SERGEF: variants seen among roughly 807,000 people sequenced by gnomAD.
SERGEF encodes secretion-regulating guanine nucleotide exchange factor.
SERGEF carries 51 observed loss-of-function variants against 50.0 expected under a neutral mutation model. That is an observed-to-expected ratio of 1.02 (90% CI 0.81 to 1.29). The LOEUF (loss-of-function observed/expected upper bound fraction) is 1.29. Among genes scored for constraint, SERGEF ranks in the 50% most tolerant of loss-of-function variants. The pLI is 0.00. For missense variants in SERGEF, 521 were observed against 557.0 expected, an observed-to-expected ratio of 0.94 and a Z score of 0.65; for synonymous variants, 205 against 212.4, an observed-to-expected ratio of 0.97 and a Z score of 0.30.
intron 9 of SERGEF, among the ~76,000 whole-genome samples, chr11:17,916,648 T>A (rs1015538475): frequency 2.6e-5 from 4 of 152,192 alleles, no homozygotes; most frequent in African/African-American, 9.7e-5. Flanking sequence ...ATAAAGGTGT[T>A]AGCACAATAC....
At chr11:17,959,295 T>C (rs1852942211) in intron 9 of SERGEF, among the ~76,000 whole-genome samples, 175 bp downstream of exon 9, 1 of 152,220 alleles carries the variant, frequency 6.6e-6, no homozygotes, top group African/African-American at 2.4e-5. Context: ...AGTACAGTTA[T>C]CTGGGTGACT....
chr11:17,907,570 A>G (rs937820905), intron 9 of SERGEF, among the ~76,000 whole-genome samples: 2 of 152,330 alleles, frequency 1.3e-5, no homozygotes, highest in Middle Eastern at 6.8e-3. Flanking sequence ...CTTTTGAGAT[A>G]GCTCCGCAAA....
chr11:17,972,422 G>C (rs1425748387), intron 8 of SERGEF, among the ~76,000 whole-genome samples: 6 of 152,082 alleles, frequency 3.9e-5, no homozygotes, highest in Non-Finnish European at 5.9e-5. Flanking sequence ...TCAACATCAA[G>C]GCAAGACCTT....
At chr11:17,818,599 G>A (rs1402474016) in intron 10 of SERGEF, among the ~76,000 whole-genome samples, 1 of 152,148 alleles carries the variant, frequency 6.6e-6, no homozygotes, top group East Asian at 1.9e-4. Context: ...GAGACTTTGT[G>A]CTTTAGTGCT....
At chr11:18,012,774 T>TACCCCC in intron 1 of SERGEF, 177 bp downstream of exon 1, 10 of 1,285,090 alleles carry the variant, frequency 7.8e-6, no homozygotes, top group East Asian at 2.9e-5. Context: ...GACCCTTCCT[T>TACCCCC]CCCCGCCCGC....
intron 10 of SERGEF, among the ~76,000 whole-genome samples, chr11:17,867,070 C>G (rs1335177245): frequency 6.6e-6 from 1 of 152,150 alleles, no homozygotes; most frequent in Middle Eastern, 3.2e-3. Context: ...TGCCCCTGGC[C>G]CCTCCTAAAT....
intron 10 of SERGEF, among the ~76,000 whole-genome samples, chr11:17,863,276 G>A (rs1565188755): frequency 1.3e-5 from 2 of 151,904 alleles, no homozygotes; most frequent in African/African-American, 4.8e-5. Flanking sequence ...ATCCTTTAAC[G>A]AAAAAAAAGT....
intron 9 of SERGEF, among the ~76,000 whole-genome samples, chr11:17,909,173 C>T (rs193101002): frequency 6.6e-6 from 1 of 152,304 alleles, no homozygotes; most frequent in East Asian, 1.9e-4. Flanking sequence ...TTGGGCAAGT[C>T]AAGCCATTGT....
chr11:17,865,651 G>A (rs1196557167), intron 10 of SERGEF, among the ~76,000 whole-genome samples: 3 of 151,988 alleles, frequency 2.0e-5, no homozygotes, highest in Non-Finnish European at 4.4e-5. Flanking sequence ...TTAAGAAATA[G>A]AAAATAGCTT....
intron 9 of SERGEF, among the ~76,000 whole-genome samples, chr11:17,943,878 G>A (rs555751810): frequency 2.0e-5 from 3 of 152,068 alleles, no homozygotes; most frequent in South Asian, 2.1e-4. Flanking sequence ...AAATCTCAAC[G>A]TTTCACTAGC....
At chr11:18,008,499 GA>G (rs1854129301) in intron 1 of SERGEF, among the ~76,000 whole-genome samples, 1 of 152,242 alleles carries the variant, frequency 6.6e-6, no homozygotes, top group Admixed American at 6.5e-5. Flanking sequence ...TCAGGCCCCA[GA>G]AGGCAAAGCA....
chr11:17,927,799 A>G (rs1590202378), intron 9 of SERGEF, among the ~76,000 whole-genome samples: 1 of 152,362 alleles, frequency 6.6e-6, no homozygotes, highest in Middle Eastern at 3.4e-3. Context: ...AAGATCCCCA[A>G]GTGATTGCAC....
chr11:17,976,870 A>G (rs1853386989), intron 8 of SERGEF, among the ~76,000 whole-genome samples: 1 of 152,208 alleles, frequency 6.6e-6, no homozygotes, highest in Admixed American at 6.5e-5. Context: ...CCCACTCACT[A>G]TGGACAGATG....
chr11:17,895,028 A>G (rs952761109), intron 9 of SERGEF, among the ~76,000 whole-genome samples: 2 of 152,120 alleles, frequency 1.3e-5, no homozygotes, highest in Non-Finnish European at 2.9e-5. Flanking sequence ...CCCAACAACA[A>G]CAACCAGATG....
intron 10 of SERGEF, among the ~76,000 whole-genome samples, chr11:17,816,058 G>A (rs1368918645): frequency 1.3e-5 from 2 of 152,300 alleles, no homozygotes; most frequent in African/African-American, 2.4e-5. Flanking sequence ...GGCTACTGTT[G>A]GAAAGTGGGA....
intron 9 of SERGEF, among the ~76,000 whole-genome samples, chr11:17,941,953 C>T (rs1852570506): frequency 6.6e-6 from 1 of 152,112 alleles, no homozygotes; most frequent in African/African-American, 2.4e-5. Flanking sequence ...CCATTCAAGT[C>T]CTTTGCCCTT....
intron 5 of SERGEF, among the ~76,000 whole-genome samples, chr11:17,999,218 G>A (rs1853908403): frequency 1.3e-5 from 2 of 152,184 alleles, no homozygotes; most frequent in Non-Finnish European, 2.9e-5. Context: ...AGAAATGGGT[G>A]TGGCTATAGA....
intron 10 of SERGEF, among the ~76,000 whole-genome samples, chr11:17,791,667 C>A (rs757201710): frequency 1.3e-5 from 2 of 152,250 alleles, no homozygotes; most frequent in African/African-American, 4.8e-5. Context: ...ATCCCAGCTT[C>A]GCCACTTACT....
At chr11:17,918,663 C>T in intron 9 of SERGEF, 1 of 244,346 alleles carries the variant, frequency 4.1e-6, no homozygotes, top group South Asian at 3.6e-5. Flanking sequence ...TACACACACA[C>T]TCTCTCTCTC....
Sources: gnomAD v4.1 joint callset for allele counts (sites outside exome capture counted in the v4.1 genomes callset) on GRCh38, gnomAD v4.1.1 for gene constraint, MANE v1.5 for transcripts, NCBI Gene and HGNC (gene_info 2026-07-23, HGNC 2026-07-21) for gene names.